TMEM266: variants seen among roughly 807,000 people sequenced by gnomAD.
The protein encoded by TMEM266 is transmembrane protein 266, also known as Hv1 related protein 1.
A neutral mutation model predicts 50.5 loss-of-function variants in TMEM266; 33 were observed. The ratio of observed to expected loss-of-function variants is 0.65; its 90% CI spans 0.50 to 0.87. TMEM266 has a LOEUF of 0.87. Ranked by LOEUF, TMEM266 falls within the 40% of genes least tolerant of loss-of-function variation. The probability of loss-of-function intolerance (pLI) is 0.00; values close to 1 mark genes in which losing one functional copy is unlikely to be tolerated. For synonymous variants in TMEM266, 310 were observed against 292.3 expected (o/e 1.06, Z -0.62); for missense variants, 655 against 695.1 (o/e 0.94, Z 0.65).
At chr15:76,155,057 C>G (rs1018893465) in intron 3 of TMEM266, among the ~76,000 whole-genome samples, 5 of 152,232 alleles carry the variant, frequency 3.3e-5, no homozygotes, top group African/African-American at 9.6e-5. Context: ...CAGATTAGTT[C>G]CCTCATTTAA....
intron 9 of TMEM266, among the ~76,000 whole-genome samples, chr15:76,195,293 C>A (rs1169339637): frequency 6.6e-6 from 1 of 152,166 alleles, no homozygotes; most frequent in Non-Finnish European, 1.5e-5. Flanking sequence ...GAGTTTGTTG[C>A]ATTGAATGTA....
chr15:76,116,784 C>T (rs2037253059), intron 1 of TMEM266, among the ~76,000 whole-genome samples: 3 of 152,104 alleles, frequency 2.0e-5, no homozygotes, highest in African/African-American at 7.2e-5. Flanking sequence ...TGCTTATTTC[C>T]TATTATGTTA....
intron 1 of TMEM266, among the ~76,000 whole-genome samples, chr15:76,117,591 C>T (rs1427583708): frequency 3.9e-5 from 6 of 152,012 alleles, no homozygotes; most frequent in Non-Finnish European, 5.9e-5. Context: ...GAACGCAAGC[C>T]GTGATGAGAA....
At chr15:76,156,565 C>T (rs1321480101) in intron 3 of TMEM266, 39 bp from the exon 4 acceptor site, 21 of 1,608,204 alleles carry the variant, frequency 1.3e-5, no homozygotes, top group Non-Finnish European at 1.7e-5. Flanking sequence ...TGTCCCCTCC[C>T]ACTCTGAGCC....
rs1319368528 is a variant in TMEM266, at chr15:76,139,057, CT to C, written c.227+1166del. Among the ~76,000 whole-genome samples the C allele has an allele frequency of 2.6e-5, 4 of 152,292 alleles. No individual in the cohort carries two copies. The highest frequency in any genetic ancestry group is 9.6e-5 in the African/African-American group (4 of 41,548). On this transcript the variant is annotated intron_variant, in intron 3 of 10. Coordinates refer to ENST00000388942, the MANE Select transcript of TMEM266 (RefSeq NM_152335.3). The surrounding 1 kb of genome is among the most constrained non-coding windows in gnomAD (Gnocchi z 4.1). ...CAGGACCTTAGGAGCCAGTTCTGGA[CT>C]TTTCTTTCCTGGGTGCCAGTAAACA...
intron 3 of TMEM266, among the ~76,000 whole-genome samples, chr15:76,146,348 A>C (rs973233293): frequency 1.3e-5 from 2 of 151,564 alleles, no homozygotes; most frequent in African/African-American, 4.9e-5. Context: ...AAAAATAAAA[A>C]TAAAGTAAGA....
chr15:76,176,664 C>T (rs370012728), intron 8 of TMEM266, among the ~76,000 whole-genome samples: 7 of 152,198 alleles, frequency 4.6e-5, no homozygotes, highest in East Asian at 1.9e-4. Context: ...GAGTTCTTCA[C>T]GGGCTGTCTT....
chr15:76,064,712 G>A (rs187770960), intron 1 of TMEM266, among the ~76,000 whole-genome samples: 1 of 152,310 alleles, frequency 6.6e-6, no homozygotes, highest in Admixed American at 6.5e-5. Context: ...TAGGACAGAG[G>A]CTGATAACTC....
intron 3 of TMEM266, among the ~76,000 whole-genome samples, chr15:76,140,173 A>G (rs2037655428): frequency 1.3e-5 from 2 of 152,250 alleles, no homozygotes; most frequent in South Asian, 4.1e-4. Flanking sequence ...GTAAATAGGA[A>G]GCAGCCCGAG....
In TMEM266 at chr15:76,110,109, C is replaced by T. The variant is rs936291761; in HGVS notation, c.-96-24059C>T. On this transcript the variant is annotated intron_variant, in intron 1 of 10. Coordinates refer to ENST00000388942, the MANE Select transcript of TMEM266 (RefSeq NM_152335.3). ...CTGTCTCCTGGGTTCAAGCGATTCT[C>T]CTGCCTCAGCCTCCCGAGAAGCTGG... Among the ~76,000 whole-genome samples the T allele has an allele frequency of 2.0e-5, 3 of 152,098 alleles. No individual in the cohort carries two copies. In the South Asian group the frequency reaches 6.2e-4, roughly 32 times the overall value.
chr15:76,150,553 C>A (rs1336179885), intron 3 of TMEM266, among the ~76,000 whole-genome samples: 1 of 152,248 alleles, frequency 6.6e-6, no homozygotes, highest in East Asian at 1.9e-4. Flanking sequence ...GCTTGCACCT[C>A]AGGAGATTCA....
intron 1 of TMEM266, among the ~76,000 whole-genome samples, chr15:76,097,447 C>G (rs1197948060): frequency 3.9e-5 from 6 of 152,092 alleles, no homozygotes; most frequent in African/African-American, 1.4e-4. Flanking sequence ...GGTCCCCACT[C>G]TCTTCTGGCT....
intron 9 of TMEM266, among the ~76,000 whole-genome samples, chr15:76,195,547 A>C (rs527241814): frequency 6.6e-6 from 1 of 152,354 alleles, no homozygotes; most frequent in South Asian, 2.1e-4. Context: ...CCTAAGGATG[A>C]AAGGAGCAGA....
At chr15:76,120,925 TAATCAA>T (rs2037333976) in intron 1 of TMEM266, among the ~76,000 whole-genome samples, 1 of 152,154 alleles carries the variant, frequency 6.6e-6, no homozygotes, top group Admixed American at 6.6e-5. Flanking sequence ...AATTTCATGA[TAATCAA>T]TTTATATAAA....
intron 1 of TMEM266, among the ~76,000 whole-genome samples, chr15:76,093,175 T>C (rs2036875642): frequency 6.6e-6 from 1 of 151,798 alleles, no homozygotes; most frequent in Non-Finnish European, 1.5e-5. Flanking sequence ...CTGGGATACA[T>C]GTGCAGAATG....
At position 76,160,202 on chromosome 15, in the gene TMEM266, G is replaced by A. The variant is rs201416782; in HGVS notation, c.456+34G>A. 2 of 1,585,850 alleles carry A rather than the reference G, an allele frequency of 1.3e-6. No individual in the cohort carries two copies. The highest frequency in any genetic ancestry group is 1.7e-5 in the Admixed American group (1 of 59,944). On this transcript the variant is annotated intron_variant, in intron 5 of 10. Transcript: ENST00000388942. The surrounding 1 kb of genome is among the most constrained non-coding windows in gnomAD (Gnocchi z 5.7). ...AGACTCTGGCCCTGTCACCTCCTCT[G>A]TTGGGTGACTCCTGTCCTGGGGAAA...
At position 76,204,136 on chromosome 15, in the gene TMEM266, C is replaced by T; in HGVS notation, c.1417C>T (p.Gln473Ter). The stretch of plus-strand genomic sequence containing the variant: ...CCGGCCCAGCCCAGCGGGCTCGGCC[C>T]AAACCAGCCCCGAGCTGGAACACAG... The change falls in exon 11 of 11, where the codon CAA (glutamine) becomes TAA (stop). Residue 473 changes from glutamine to a stop codon, truncating the protein, a stop_gained. Transcript: ENST00000388942. LOFTEE classifies it high-confidence loss of function. 6.2e-7 allele frequency: 1 copy of T among 1,613,396 alleles called. No homozygotes were observed. The highest frequency in any genetic ancestry group is 8.5e-7 in the Non-Finnish European group (1 of 1,179,900).
At chr15:76,071,441 A>G (rs1185406088) in intron 1 of TMEM266, among the ~76,000 whole-genome samples, 1 of 152,172 alleles carries the variant, frequency 6.6e-6, no homozygotes, top group East Asian at 1.9e-4. Context: ...AGTGTGAGGG[A>G]AAGTACGATC....
At position 76,137,930 on chromosome 15, in the gene TMEM266, C is replaced by T. The variant is rs781534421; in HGVS notation, c.227+35C>T. ...GGGACCATTGAGCTAGCTAAGAAGT[C>T]CCTGGGTTAGGCTAGGCGCGGTGGC... On this transcript the variant is annotated intron_variant, in intron 3 of 10. Transcript: ENST00000388942. 3 of 1,525,394 alleles carry T rather than the reference C, an allele frequency of 2.0e-6. No individual in the cohort carries two copies. In the South Asian group the frequency reaches 4.0e-5, roughly 20 times the overall value. 94.5% of individuals were successfully genotyped at this position (1,525,394 alleles called of 1,614,324 possible).
Sources: allele counts gnomAD v4.1 joint callset (sites outside exome capture counted in the v4.1 genomes callset), GRCh38; gene constraint gnomAD v4.1.1; non-coding constraint Gnocchi (gnomAD v3.1); transcripts MANE v1.5; gene names NCBI Gene and HGNC (gene_info 2026-07-23, HGNC 2026-07-21).